SLC24A4: variants seen among roughly 807,000 people sequenced by gnomAD.
SLC24A4 encodes the protein sodium/potassium/calcium exchanger 4.
Under a neutral mutation model 79.0 loss-of-function variants are expected in SLC24A4, and 53 were observed. That is an observed-to-expected ratio of 0.67 (90% CI 0.54 to 0.84). SLC24A4 has a LOEUF of 0.84. Ranked by LOEUF, SLC24A4 falls within the 40% of genes least tolerant of loss-of-function variation. The pLI, the probability that SLC24A4 is intolerant of heterozygous loss-of-function variation, is 0.00. For missense variants in SLC24A4, 731 were observed against 822.0 expected, an observed-to-expected ratio of 0.89 and a Z score of 1.35; for synonymous variants, 323 against 323.8, an observed-to-expected ratio of 1.00 and a Z score of 0.03.
intron 11 of SLC24A4, 109 bp downstream of exon 11, chr14:92,454,178 A>G (rs1893323751): frequency 3.3e-6 from 4 of 1,215,966 alleles, no homozygotes; most frequent in Non-Finnish European, 4.5e-6. Flanking sequence ...TTAAGGAAGG[A>G]TGCCCTGGGG....
intron 10 of SLC24A4, chr14:92,451,835 C>G (rs1893157595): frequency 6.6e-6 from 1 of 152,438 alleles, no homozygotes; most frequent in Non-Finnish European, 1.5e-5. Context: ...ACTGTGGACC[C>G]TTCCAGGCTG....
chr14:92,426,899 G>A (rs144544982), intron 2 of SLC24A4, among the ~76,000 whole-genome samples: 42 of 152,226 alleles, frequency 2.8e-4, no homozygotes, highest in East Asian at 2.1e-3. Context: ...GGTTTTCATC[G>A]TTTCAGAATA....
chr14:92,430,961 G>A (rs978002243), intron 2 of SLC24A4, among the ~76,000 whole-genome samples: 6 of 152,308 alleles, frequency 3.9e-5, no homozygotes, highest in Admixed American at 1.3e-4. Context: ...CAAGCATCCC[G>A]CCCTTGAACA....
At chr14:92,471,460 C>T (rs1466951897) in intron 12 of SLC24A4, among the ~76,000 whole-genome samples, 1 of 152,202 alleles carries the variant, frequency 6.6e-6, no homozygotes, top group African/African-American at 2.4e-5. Flanking sequence ...TGGGAACCTA[C>T]TGTCTCAAGG....
chr14:92,419,597 A>G (rs958072509), intron 2 of SLC24A4, among the ~76,000 whole-genome samples: 1 of 152,230 alleles, frequency 6.6e-6, no homozygotes, highest in African/African-American at 2.4e-5. Flanking sequence ...CATGAAATTT[A>G]TCATCCAAAC....
rs750450461 is a variant in SLC24A4, at chr14:92,493,606, C to G, written c.1847C>G (p.Pro616Arg). The change falls in exon 17 of 17, where the codon CCG becomes CGG. Residue 616 changes from proline to arginine, a missense_variant. Coordinates refer to ENST00000532405, the MANE Select transcript of SLC24A4 (RefSeq NM_153646.4). ...AACGTCTTTACCTTCGTCAACTTGCCGATGTGCCGGGAAGACGATTAGCGC... is the reference window on the plus strand; with the variant it reads ...AACGTCTTTACCTTCGTCAACTTGCGGATGTGCCGGGAAGACGATTAGCGC... ...EFNVFTFVNL[P>R]MCREDD The G allele has an allele frequency of 6.2e-7, 1 of 1,614,150 alleles. No individual in the cohort carries two copies. The highest frequency in any genetic ancestry group is 1.7e-5 in the Admixed American group (1 of 60,026).
At chr14:92,477,799 T>C (rs1894853322) in intron 12 of SLC24A4, among the ~76,000 whole-genome samples, 1 of 115,178 alleles carries the variant, frequency 8.7e-6, no homozygotes, top group Non-Finnish European at 2.0e-5. Flanking sequence ...TTTTTTTTTT[T>C]TGAGACAGAG....
intron 2 of SLC24A4, among the ~76,000 whole-genome samples, chr14:92,413,168 C>T (rs952157225): frequency 2.0e-5 from 3 of 152,134 alleles, no homozygotes; most frequent in Non-Finnish European, 4.4e-5. Flanking sequence ...CTCATCCTGT[C>T]GTTGCTTTGC....
At chr14:92,348,954 A>G (rs1037119347) in intron 2 of SLC24A4, among the ~76,000 whole-genome samples, 1 of 152,140 alleles carries the variant, frequency 6.6e-6, no homozygotes, top group African/African-American at 2.4e-5. Flanking sequence ...ACCACTGACC[A>G]TGGCTTGTAA....
intron 11 of SLC24A4, 136 bp from the exon 12 acceptor site, chr14:92,456,268 C>A: frequency 1.3e-6 from 1 of 775,750 alleles, no homozygotes; most frequent in Non-Finnish European, 2.1e-6. Context: ...GGGGCTGATT[C>A]TCAGGCAAAC....
At chr14:92,442,016 G>A in intron 4 of SLC24A4, 73 bp from the exon 5 acceptor site, 1 of 1,211,728 alleles carries the variant, frequency 8.3e-7, no homozygotes, top group Non-Finnish European at 1.2e-6. Flanking sequence ...CATGCTCCTT[G>A]GCTGTAGAGC....
chr14:92,416,237 G>A (rs1311018895), intron 2 of SLC24A4, among the ~76,000 whole-genome samples: 1 of 151,990 alleles, frequency 6.6e-6, no homozygotes, highest in Non-Finnish European at 1.5e-5. Flanking sequence ...ATCCACTATA[G>A]GTAAGCAGAG....
chr14:92,431,043 C>T (rs2139782699), intron 2 of SLC24A4, among the ~76,000 whole-genome samples: 1 of 152,338 alleles, frequency 6.6e-6, no homozygotes, highest in African/African-American at 2.4e-5. Context: ...CCTGGGATTA[C>T]ACTGCTCCAG....
intron 2 of SLC24A4, among the ~76,000 whole-genome samples, chr14:92,423,187 C>T (rs1277437777): frequency 1.3e-5 from 2 of 152,020 alleles, no homozygotes; most frequent in East Asian, 1.9e-4. Flanking sequence ...CTCTGTTGCC[C>T]AGGCTGGAGT....
At chr14:92,347,543 A>G (rs1013959931) in intron 2 of SLC24A4, among the ~76,000 whole-genome samples, 2 of 152,240 alleles carry the variant, frequency 1.3e-5, no homozygotes, top group Admixed American at 1.3e-4. Context: ...TGCAAAATCC[A>G]TTCCCATCTT....
intron 2 of SLC24A4, among the ~76,000 whole-genome samples, chr14:92,342,145 A>G (rs984824888): frequency 2.0e-5 from 3 of 152,050 alleles, no homozygotes; most frequent in South Asian, 2.1e-4. Context: ...GAATCACACA[A>G]TGAAGTCAGA....
At chr14:92,334,148 G>T (rs576487262) in intron 2 of SLC24A4, among the ~76,000 whole-genome samples, 1 of 152,180 alleles carries the variant, frequency 6.6e-6, no homozygotes, top group Non-Finnish European at 1.5e-5. Context: ...TTTTAAAGTC[G>T]TTATGTAAAA....
chr14:92,415,228 G>A (rs1890916334), intron 2 of SLC24A4, among the ~76,000 whole-genome samples: 1 of 152,156 alleles, frequency 6.6e-6, no homozygotes, highest in African/African-American at 2.4e-5. Context: ...CAAAGCTGGA[G>A]GTCAGGCCTC....
intron 2 of SLC24A4, among the ~76,000 whole-genome samples, chr14:92,427,174 C>T (rs996796876): frequency 2.0e-5 from 3 of 152,260 alleles, no homozygotes; most frequent in Non-Finnish European, 2.9e-5. Flanking sequence ...GGAGGCAGGG[C>T]CAGTGCACCA....
Sources: allele counts gnomAD v4.1 joint callset (sites outside exome capture counted in the v4.1 genomes callset), GRCh38; gene constraint gnomAD v4.1.1; transcripts MANE v1.5; gene names NCBI Gene and HGNC (gene_info 2026-07-23, HGNC 2026-07-21).